Variants in LRP1B observed in about 807,000 individuals in gnomAD.
LRP1B encodes the protein low-density lipoprotein receptor-related protein 1B.
LRP1B carries 217 observed loss-of-function variants against 556.6 expected under a neutral mutation model. That is an observed-to-expected ratio of 0.39 (90% CI 0.35 to 0.44). The LOEUF is 0.44. Ranked by LOEUF, LRP1B falls within the 20% of genes least tolerant of loss-of-function variation. LRP1B has a pLI of 1.00. For missense variants in LRP1B, 5,053 were observed against 5,620.8 expected, an observed-to-expected ratio of 0.90 and a Z score of 3.23; for synonymous variants, 2,047 against 1,865.8, an observed-to-expected ratio of 1.10 and a Z score of -2.50.
chr2:141,053,270 C>T (rs1452675050), intron 10 of LRP1B, among the ~76,000 whole-genome samples: 2 of 151,880 alleles, frequency 1.3e-5, no homozygotes, highest in African/African-American at 2.4e-5. Flanking sequence ...AGGCAAAGGT[C>T]CCCTTTTTGC....
rs372981401 is a variant in LRP1B, at chr2:142,086,821, A to G, written c.82+43827T>C. Among the ~76,000 whole-genome samples, 17 of 152,324 alleles carry G rather than the reference A, an allele frequency of 1.1e-4. No homozygotes were observed. In the East Asian group the frequency reaches 3.3e-3, roughly 29 times the overall value. ...ATCCTACTTCCTAGATAGTAGTTGA[A>G]AAGACTGAATACTGTATCAGAGTTA... On this transcript the variant is annotated intron_variant, in intron 1 of 90. Coordinates refer to ENST00000389484, the MANE Select transcript of LRP1B (RefSeq NM_018557.3).
chr2:140,896,294 G>C (rs1424299452), intron 23 of LRP1B, among the ~76,000 whole-genome samples: 1 of 151,940 alleles, frequency 6.6e-6, no homozygotes, highest in African/African-American at 2.4e-5. Flanking sequence ...AATTATAAAA[G>C]TAGCATTTAT....
At chr2:141,365,655 C>CTTTTTTTTTTGTTTTGT (rs1553503423) in intron 3 of LRP1B, among the ~76,000 whole-genome samples, 1 of 121,150 alleles carries the variant, frequency 8.3e-6, no homozygotes, top group African/African-American at 3.2e-5. Flanking sequence ...GTTTTTGTTG[C>CTTTTTTTTTTGTTTTGT]TTTTTTTTTT....
intron 3 of LRP1B, among the ~76,000 whole-genome samples, chr2:141,255,931 C>G (rs1684444382): frequency 6.6e-6 from 1 of 151,756 alleles, no homozygotes; most frequent in South Asian, 2.1e-4. Flanking sequence ...AGTCTATAAG[C>G]TATTGTAATG....
chr2:141,510,623 T>C (rs1046250407), intron 2 of LRP1B, among the ~76,000 whole-genome samples: 8 of 152,076 alleles, frequency 5.3e-5, no homozygotes, highest in African/African-American at 1.4e-4. Flanking sequence ...TCCAGAACTC[T>C]TATCCCTGAT....
rs935608280 is a variant in LRP1B at position 141,269,438 on chromosome 2, T to G, written c.344-14797A>C. 7.9e-5 allele frequency among the ~76,000 whole-genome samples: 12 copies of G among 152,318 alleles called. No individual in the cohort carries two copies. The South Asian group carries it at 1.0e-3, about 13-fold the overall frequency. ...TCAGCTGACCGTGCAAGCTATCTGC[T>G]AAGTGTAATACCAATAAAGACACAC... On this transcript the variant is annotated intron_variant, in intron 3 of 90. Coordinates refer to ENST00000389484, the MANE Select transcript of LRP1B (RefSeq NM_018557.3).
At chr2:141,503,091 T>A (rs1265041820) in intron 2 of LRP1B, among the ~76,000 whole-genome samples, 1 of 149,344 alleles carries the variant, frequency 6.7e-6, no homozygotes, top group Non-Finnish European at 1.5e-5. Flanking sequence ...CAATTGTCAC[T>A]TTTATCTCAA....
intron 7 of LRP1B, among the ~76,000 whole-genome samples, chr2:141,183,199 C>T (rs1681086287): frequency 1.3e-5 from 2 of 152,094 alleles, no homozygotes; most frequent in South Asian, 4.1e-4. Flanking sequence ...TAGTTAGTGA[C>T]AGTATCAGCT....
chr2:141,159,688 A>C (rs1177586811), intron 7 of LRP1B, among the ~76,000 whole-genome samples: 1 of 152,358 alleles, frequency 6.6e-6, no homozygotes, highest in East Asian at 1.9e-4. Context: ...AGTTCTTCAT[A>C]AAATGACAAA....
Position 140,442,535 on chromosome 2 carries a change from G to A in LRP1B, c.10383C>T (p.Asp3461=), listed in dbSNP as rs369394176. ...SKLWVCDEDP[D]CADASDEANC... The stretch of plus-strand genomic sequence containing the variant: ...TGGCCTCGTCTGATGCATCTGCACA[G>A]TCTGGATCCTCGTCACAAACCCACA... Residue 3461 remains aspartate (D), a synonymous_variant, in exon 66 of 91, where the codon GAC becomes GAT. Transcript: ENST00000389484. 5.6e-6 allele frequency: 9 copies of A among 1,613,994 alleles called. No homozygotes were observed. The highest frequency in any genetic ancestry group is 7.6e-6 in the Non-Finnish European group (9 of 1,179,914).
chr2:141,029,224 T>C (rs1002501142), intron 11 of LRP1B, among the ~76,000 whole-genome samples: 1 of 152,164 alleles, frequency 6.6e-6, no homozygotes, highest in African/African-American at 2.4e-5. Flanking sequence ...CTTTTCCCCC[T>C]GTGAACTTAA....
intron 4 of LRP1B, among the ~76,000 whole-genome samples, chr2:141,252,014 C>G (rs1224767240): frequency 6.6e-6 from 1 of 151,894 alleles, no homozygotes; most frequent in Non-Finnish European, 1.5e-5. Context: ...AAAGTCATCT[C>G]CAACACAAAA....
rs145639571 is a variant in LRP1B, at chr2:140,352,537, A to G, written c.11650+416T>C. 2.5e-3 allele frequency among the ~76,000 whole-genome samples: 374 copies of G among 152,148 alleles called. 1 individual carries two copies. The highest frequency in any genetic ancestry group is 8.4e-3 in the African/African-American group (349 of 41,544). Reference sequence around the variant, plus strand: ...GAGGACTTCTAAATTTGAAAGCAAGATCTTGTTTTAAAACCTTTAAAATCC... The same window carrying G: ...GAGGACTTCTAAATTTGAAAGCAAGGTCTTGTTTTAAAACCTTTAAAATCC... On this transcript the variant is annotated intron_variant, in intron 76 of 90. Transcript: ENST00000389484.
intron 1 of LRP1B, among the ~76,000 whole-genome samples, chr2:141,959,100 T>G (rs1272678716): frequency 2.0e-5 from 3 of 151,942 alleles, no homozygotes; most frequent in Non-Finnish European, 2.9e-5. Flanking sequence ...ATTTCTACAT[T>G]TATCTGCTTG....
At chr2:142,022,891 G>A (rs1359579594) in intron 1 of LRP1B, among the ~76,000 whole-genome samples, 1 of 152,026 alleles carries the variant, frequency 6.6e-6, no homozygotes, top group Admixed American at 6.6e-5. Flanking sequence ...TGGCCAGGAT[G>A]GTCTTAATGT....
chr2:141,082,765 A>T (rs1269431703), intron 7 of LRP1B, among the ~76,000 whole-genome samples: 1 of 152,170 alleles, frequency 6.6e-6, no homozygotes, highest in East Asian at 1.9e-4. Context: ...AATGTTTGTG[A>T]TTCTGAACAT....
intron 3 of LRP1B, among the ~76,000 whole-genome samples, chr2:141,260,477 T>C (rs1329886777): frequency 9.1e-6 from 1 of 110,416 alleles, no homozygotes; most frequent in Non-Finnish European, 1.8e-5. Flanking sequence ...AACAGGACAA[T>C]AGAGAAAGGT....
At chr2:140,709,588 T>C (rs1057061050) in intron 37 of LRP1B, among the ~76,000 whole-genome samples, 1 of 152,024 alleles carries the variant, frequency 6.6e-6, no homozygotes, top group Non-Finnish European at 1.5e-5. Context: ...TATTTTGTAT[T>C]TGGCTACATT....
intron 3 of LRP1B, among the ~76,000 whole-genome samples, chr2:141,463,297 G>C (rs184352743): frequency 4.6e-5 from 7 of 151,848 alleles, no homozygotes; most frequent in African/African-American, 1.4e-4. Flanking sequence ...AAGAATTGTT[G>C]TAATTTTAGA....
Sources: allele counts gnomAD v4.1 joint callset (sites outside exome capture counted in the v4.1 genomes callset), GRCh38; gene constraint gnomAD v4.1.1; transcripts MANE v1.5; gene names NCBI Gene and HGNC (gene_info 2026-07-23, HGNC 2026-07-21).